Variants in PCDHA8 observed in about 807,000 individuals in gnomAD.
The protein encoded by PCDHA8 is protocadherin alpha 8.
In PCDHA8, 53 loss-of-function variants were observed where a neutral mutation model predicts 61.8. That is an observed-to-expected ratio of 0.86 (90% confidence interval 0.69 to 1.08). The LOEUF is 1.08. PCDHA8 is among the 50% of genes least tolerant of loss of function. The pLI is 0.00. For missense variants in PCDHA8, 1,293 were observed against 1,245.0 expected, an observed-to-expected ratio of 1.04 and a Z score of -0.58; for synonymous variants, 618 against 556.6, an observed-to-expected ratio of 1.11 and a Z score of -1.55.
Position 141,012,278 on chromosome 5 carries a change from G to T in PCDHA8, c.*2341G>T, listed in dbSNP as rs545417237. ...CTGTAAGGATAAAACACGTCATGTG[G>T]ATTCATTTTGAATTGGTGCTATTGG... On this transcript the variant is annotated 3_prime_UTR_variant, in exon 4 of 4. Coordinates refer to ENST00000531613, the MANE Select transcript of PCDHA8 (RefSeq NM_018911.3). The T allele has an allele frequency of 6.5e-6, 1 of 153,848 alleles. No individual in the cohort carries two copies. The highest frequency in any genetic ancestry group is 2.1e-4 in the South Asian group (1 of 4,826). The allele number at this position is 153,848 out of a possible 1,614,324, so 9.5% of individuals were successfully genotyped here.
At position 140,999,623 on chromosome 5, in the gene PCDHA8, A is replaced by G. The variant is rs188539860; in HGVS notation, c.2543-10004A>G. ...CCTGGGGGACCTTATCAACCAGGAAACAAGGTAGAGAAAACTGTGCAGCCT... is the reference window on the plus strand; with the variant it reads ...CCTGGGGGACCTTATCAACCAGGAAGCAAGGTAGAGAAAACTGTGCAGCCT... On this transcript the variant is annotated intron_variant, in intron 3 of 3. Transcript: ENST00000531613. Among the ~76,000 whole-genome samples the G allele has an allele frequency of 1.3e-4, 20 of 152,330 alleles. No individual in the cohort carries two copies. In the East Asian group the frequency reaches 3.9e-3, roughly 29 times the overall value.
At chr5:140,927,940 C>T (rs1247043975) in intron 1 of PCDHA8, 1 of 1,614,108 alleles carries the variant, frequency 6.2e-7, no homozygotes, top group African/African-American at 1.3e-5. Flanking sequence ...GAACCCAGTA[C>T]CTGAGGACGC....
intron 1 of PCDHA8, among the ~76,000 whole-genome samples, chr5:140,886,770 G>A (rs1554182701): frequency 6.8e-6 from 1 of 146,884 alleles, no homozygotes; most frequent in Non-Finnish European, 1.5e-5. Context: ...AGGTTGCAGT[G>A]AGATGAGATC....
intron 3 of PCDHA8, among the ~76,000 whole-genome samples, chr5:140,984,358 A>G (rs1443365008): frequency 1.3e-5 from 2 of 152,234 alleles, no homozygotes; most frequent in Admixed American, 1.3e-4. Flanking sequence ...TATTTCATAC[A>G]TCTGGCCAAG....
chr5:140,948,943 A>G (rs2094326850), intron 1 of PCDHA8, among the ~76,000 whole-genome samples: 1 of 71,272 alleles, frequency 1.4e-5, no homozygotes, highest in African/African-American at 4.3e-5. Context: ...CTTCTAATAT[A>G]AAAAAATTAA....
intron 2 of PCDHA8, among the ~76,000 whole-genome samples, chr5:140,981,839 A>T (rs950232298): frequency 6.6e-6 from 1 of 152,116 alleles, no homozygotes; most frequent in Non-Finnish European, 1.5e-5. Flanking sequence ...AAGGTCTCCC[A>T]GTTTGTATCT....
intron 1 of PCDHA8, chr5:140,869,328 G>C: frequency 1.2e-6 from 2 of 1,613,960 alleles, no homozygotes; most frequent in Non-Finnish European, 1.7e-6. Flanking sequence ...GGGACCTTCT[G>C]GAGGTAAATC....
chr5:141,001,435 A>G (rs1377491641), intron 3 of PCDHA8, among the ~76,000 whole-genome samples: 4 of 152,202 alleles, frequency 2.6e-5, no homozygotes, highest in African/African-American at 7.2e-5. Flanking sequence ...TTCCATGGAA[A>G]AGTCTTTCCA....
intron 1 of PCDHA8, among the ~76,000 whole-genome samples, chr5:140,958,643 T>C (rs2095435479): frequency 1.3e-5 from 2 of 152,020 alleles, no homozygotes. Flanking sequence ...AGAAAACCAA[T>C]CACAGAAAGC....
chr5:140,893,568 C>T (rs1554185659), intron 1 of PCDHA8, among the ~76,000 whole-genome samples: 1 of 152,150 alleles, frequency 6.6e-6, no homozygotes, highest in Non-Finnish European at 1.5e-5. Flanking sequence ...TGTACTTCCT[C>T]AGTTTTTGCT....
At chr5:140,940,611 C>T (rs782735444) in intron 1 of PCDHA8, among the ~76,000 whole-genome samples, 1 of 152,144 alleles carries the variant, frequency 6.6e-6, no homozygotes. Flanking sequence ...CTGCTCCTGG[C>T]TCCTGCAAAT....
At chr5:140,853,598 C>T (rs889899754) in intron 1 of PCDHA8, 2 of 986,878 alleles carry the variant, frequency 2.0e-6, no homozygotes, top group Non-Finnish European at 2.4e-6. Context: ...ACTTTGAGAG[C>T]AAAGGGGGTG....
At chr5:140,926,373 G>T (rs1040164585) in intron 1 of PCDHA8, 1 of 152,370 alleles carries the variant, frequency 6.6e-6, no homozygotes, top group African/African-American at 2.4e-5. Flanking sequence ...GGCAGGAAGA[G>T]CCCAGCTGGG....
At chr5:140,860,513 C>A (rs1176536406) in intron 1 of PCDHA8, 3 of 152,110 alleles carry the variant, frequency 2.0e-5, no homozygotes, top group African/African-American at 7.2e-5. Context: ...AGATAAAACT[C>A]TTCATGGAAT....
intron 1 of PCDHA8, among the ~76,000 whole-genome samples, chr5:140,945,224 T>C (rs1563213002): frequency 6.6e-6 from 1 of 152,016 alleles, no homozygotes; most frequent in Non-Finnish European, 1.5e-5. Context: ...ATAAAAATAC[T>C]TAGGAATAAA....
chr5:140,856,501 T>A, intron 1 of PCDHA8: 1 of 1,598,302 alleles, frequency 6.3e-7, no homozygotes, highest in Non-Finnish European at 8.6e-7. Flanking sequence ...ACTCTCGATT[T>A]CCACTAGAAG....
At position 140,842,435 on chromosome 5, in the gene PCDHA8, A is replaced by G. The variant is rs2150336163; in HGVS notation, c.1114A>G (p.Ile372Val). ...TCAATTTGGTACTGTCATCGCCCTA[A>G]TTAGCGTGAACGACCTCGATTCAGG... is the stretch of plus-strand genomic sequence containing the variant. ...DAQFGTVIAL[I>V]SVNDLDSGAN... The change falls in exon 1 of 4, where the codon ATT (isoleucine) becomes GTT (valine). Residue 372 changes from isoleucine (I) to valine (V), a missense_variant. Ile to Val is a conservative substitution (Grantham distance 29, BLOSUM62 3). Coordinates refer to ENST00000531613, the MANE Select transcript of PCDHA8 (RefSeq NM_018911.3). The G allele has an allele frequency of 6.2e-6, 10 of 1,613,586 alleles. No individual in the cohort carries two copies. The highest frequency in any genetic ancestry group is 5.0e-5 in the Admixed American group (3 of 60,000).
At chr5:140,978,827 G>T (rs2096825118) in intron 1 of PCDHA8, 122 bp from the exon 2 acceptor site, 2 of 1,528,744 alleles carry the variant, frequency 1.3e-6, no homozygotes, top group Admixed American at 2.0e-5. Flanking sequence ...ACATGAAATG[G>T]CTCATTCAAT....
intron 1 of PCDHA8, among the ~76,000 whole-genome samples, chr5:140,901,300 C>T (rs189786790): frequency 3.3e-5 from 5 of 152,176 alleles, no homozygotes; most frequent in African/African-American, 9.6e-5. Flanking sequence ...ACTGATGTTC[C>T]GGAGAGTTTC....
Sources: allele counts gnomAD v4.1 joint callset (sites outside exome capture counted in the v4.1 genomes callset), GRCh38; gene constraint gnomAD v4.1.1; transcripts MANE v1.5; gene names NCBI Gene and HGNC (gene_info 2026-07-23, HGNC 2026-07-21).